Variants in TMPRSS13 observed in about 807,000 individuals in gnomAD.
The protein encoded by TMPRSS13 is transmembrane protease serine 13.
Under a neutral mutation model 68.4 loss-of-function variants are expected in TMPRSS13, and 50 were observed. That is an observed-to-expected ratio of 0.73 (90% CI 0.58 to 0.93). The LOEUF (loss-of-function observed/expected upper bound fraction) is 0.93, where lower values mean the gene tolerates loss of function less well. Ranked by LOEUF, TMPRSS13 falls within the 40% of genes least tolerant of loss-of-function variation. TMPRSS13 has a pLI of 0.00. For synonymous variants in TMPRSS13, 267 were observed against 285.8 expected, an observed-to-expected ratio of 0.93 and a Z score of 0.66; for missense variants, 615 against 729.2, an observed-to-expected ratio of 0.84 and a Z score of 1.80.
At chr11:117,920,549 G>T (rs772649036) in intron 1 of TMPRSS13, among the ~76,000 whole-genome samples, 2 of 152,132 alleles carry the variant, frequency 1.3e-5, no homozygotes, top group Non-Finnish European at 2.9e-5. Flanking sequence ...CTGGAGTGCA[G>T]TGCCGCGATC....
intron 5 of TMPRSS13, 74 bp downstream of exon 5, chr11:117,913,703 A>G: frequency 6.4e-7 from 1 of 1,557,030 alleles, no homozygotes; most frequent in South Asian, 1.2e-5. Context: ...TGTTTCTGCA[A>G]CATGCTTGAG....
chr11:117,922,802 G>T lies in TMPRSS13; in HGVS notation c.22-3964C>A, dbSNP rs1415147487. On this transcript the variant is annotated intron_variant, in intron 1 of 12. Transcript: ENST00000524993. The surrounding 1 kb of genome is among the most constrained non-coding windows in gnomAD (Gnocchi z 4.2). ...TTGCCAACCATTCTTTCCTGACCAT[G>T]CCTCTCCTCCCCACCTACCCGTGGG... 6.6e-6 allele frequency among the ~76,000 whole-genome samples: 1 copy of T among 152,184 alleles called. No individual in the cohort carries two copies. Among genetic ancestry groups the T allele is most frequent in the Non-Finnish European group, 1.5e-5 (1 of 68,024 alleles).
In TMPRSS13 at chr11:117,911,864, CA is replaced by C; in HGVS notation, c.810-5del. 6.2e-7 allele frequency: 1 copy of C among 1,613,342 alleles called. No individual in the cohort carries two copies. Among genetic ancestry groups the C allele is most frequent in the East Asian group, 2.2e-5 (1 of 44,874 alleles). ...AACCTCGGTTGTCCGGTGAGCACTA[CA>C]AGGGAGCAGAGGGGAGAAGAATGAG... On this transcript the variant is annotated splice_polypyrimidine_tract_variant and splice_region_variant and intron_variant, in intron 5 of 12. Coordinates refer to ENST00000524993, the MANE Select transcript of TMPRSS13 (RefSeq NM_001077263.3).
chr11:117,913,497 T>A (rs2057543118), intron 5 of TMPRSS13, among the ~76,000 whole-genome samples: 1 of 152,216 alleles, frequency 6.6e-6, no homozygotes, highest in Admixed American at 6.5e-5. Context: ...AATGTGATAA[T>A]GGATGTGAGC....
chr11:117,902,072 G>GCGCA lies in TMPRSS13; in HGVS notation c.*166_*167insTGCG, dbSNP rs1186451834. ...TGGGAGAGTGGCAATGCACACATAT[G>GCGCA]CACACACACACACACACACACACAC... On this transcript the variant is annotated 3_prime_UTR_variant, in exon 13 of 13. Transcript: ENST00000524993. 114 of 647,302 alleles carry GCGCA rather than the reference G, an allele frequency of 1.8e-4. No individual in the cohort carries two copies. The African/African-American group carries it at 1.9e-3, about 11-fold the overall frequency. 40.1% of individuals were successfully genotyped at this position (647,302 alleles called of 1,614,324 possible). A position where few individuals can be genotyped will look rare whatever the true frequency, so the allele number is the denominator to read the frequency against.
intron 1 of TMPRSS13, among the ~76,000 whole-genome samples, chr11:117,925,248 A>G (rs189874966): frequency 6.6e-6 from 1 of 152,304 alleles, no homozygotes; most frequent in East Asian, 1.9e-4. Context: ...CATTTGAACA[A>G]AAGAGGCAGC....
At chr11:117,908,110 T>C in intron 9 of TMPRSS13, 4 of 1,051,508 alleles carry the variant, frequency 3.8e-6, no homozygotes, top group Non-Finnish European at 3.5e-6. Flanking sequence ...GAGCACTGCT[T>C]GGGAATCAGA....
intron 4 of TMPRSS13, 53 bp from the exon 5 acceptor site, chr11:117,913,959 G>A (rs1251395038): frequency 6.3e-6 from 10 of 1,593,282 alleles, no homozygotes; most frequent in Non-Finnish European, 8.6e-6. Flanking sequence ...GAAGCATCAA[G>A]CTCTTGGGGG....
Position 117,914,210 on chromosome 11 carries a change from C to G in TMPRSS13, c.679+182G>C, listed in dbSNP as rs1264559341. Among the ~76,000 whole-genome samples the G allele has an allele frequency of 3.3e-5, 5 of 152,114 alleles. No individual in the cohort carries two copies. Among genetic ancestry groups the G allele is most frequent in the Non-Finnish European group, 7.4e-5 (5 of 67,990 alleles). On this transcript the variant is annotated intron_variant, in intron 4 of 12. Transcript: ENST00000524993. This position sits in a 1 kb window ranked among gnomAD's most constrained non-coding sequence, Gnocchi z 4.2. ...TCATTGGGTCTGGATTACATACATG[C>G]ACACATGCACACACACATACGTGCA...
At chr11:117,907,999 C>T in intron 9 of TMPRSS13, 1 of 990,592 alleles carries the variant, frequency 1.0e-6, no homozygotes, top group Non-Finnish European at 1.2e-6. Context: ...CTCCTTTGGT[C>T]CTTAGCAACA....
At chr11:117,912,930 C>T (rs1290229479) in intron 5 of TMPRSS13, among the ~76,000 whole-genome samples, 1 of 152,228 alleles carries the variant, frequency 6.6e-6, no homozygotes, top group Non-Finnish European at 1.5e-5. Flanking sequence ...CATAAGGCCA[C>T]ACAACTCATA....
chr11:117,912,141 C>T (rs929555291), intron 5 of TMPRSS13, among the ~76,000 whole-genome samples: 2 of 152,200 alleles, frequency 1.3e-5, no homozygotes, highest in Admixed American at 6.5e-5. Flanking sequence ...TTAGCATTGC[C>T]TGGGAAGTTA....
In TMPRSS13 at chr11:117,912,133, A is replaced by G. The variant is rs183726703; in HGVS notation, c.810-273T>C. Reference sequence around the variant, plus strand: ...TCTCATGGTGGAGACTGGTAGCATTAGCATTGCCTGGGAAGTTATTAATAT... The same window carrying G: ...TCTCATGGTGGAGACTGGTAGCATTGGCATTGCCTGGGAAGTTATTAATAT... On this transcript the variant is annotated intron_variant, in intron 5 of 12. Transcript: ENST00000524993. Among the ~76,000 whole-genome samples the G allele has an allele frequency of 8.5e-5, 13 of 152,326 alleles. No individual in the cohort carries two copies. In the East Asian group the frequency reaches 2.5e-3, roughly 29 times the overall value.
At chr11:117,924,272 C>T (rs893103225) in intron 1 of TMPRSS13, among the ~76,000 whole-genome samples, 2 of 150,926 alleles carry the variant, frequency 1.3e-5, no homozygotes, top group Non-Finnish European at 3.0e-5. Context: ...GACTTGCTCA[C>T]GGACACACAG....
chr11:117,922,512 G>A lies in TMPRSS13; in HGVS notation c.22-3674C>T, dbSNP rs1446893164. Among the ~76,000 whole-genome samples the A allele has an allele frequency of 6.6e-6, 1 of 152,110 alleles. No individual in the cohort carries two copies. The highest frequency in any genetic ancestry group is 1.5e-5 in the Non-Finnish European group (1 of 68,006). On this transcript the variant is annotated intron_variant, in intron 1 of 12. Coordinates refer to ENST00000524993, the MANE Select transcript of TMPRSS13 (RefSeq NM_001077263.3). This position sits in a 1 kb window ranked among gnomAD's most constrained non-coding sequence, Gnocchi z 4.2. ...CAAAGTGCTGGGATTACAGGCGTGA[G>A]CCACCGCGCCCAGCCGAGACTTCTT...
intron 1 of TMPRSS13, among the ~76,000 whole-genome samples, chr11:117,919,907 T>C (rs1356035961): frequency 6.6e-6 from 1 of 152,224 alleles, no homozygotes; most frequent in Non-Finnish European, 1.5e-5. Context: ...AGAGTGCTCA[T>C]TTTGCCTTTG....
At chr11:117,925,867 C>T (rs1005607516) in intron 1 of TMPRSS13, among the ~76,000 whole-genome samples, 7 of 152,270 alleles carry the variant, frequency 4.6e-5, no homozygotes, top group African/African-American at 9.6e-5. Flanking sequence ...CACACACTCC[C>T]GCACGCTTAC....
rs1207413235 is a variant in TMPRSS13, at chr11:117,903,301, G to C, written c.1677+354C>G. On this transcript the variant is annotated intron_variant, in intron 12 of 12. Coordinates refer to ENST00000524993, the MANE Select transcript of TMPRSS13 (RefSeq NM_001077263.3). ...AGCGGATTCCCATGCATAAATGCTT[G>C]ATAACAAAAACTATCACAAAATCCT... 4 of 1,347,964 alleles carry C rather than the reference G, an allele frequency of 3.0e-6. No individual in the cohort carries two copies. In the Admixed American group the frequency reaches 8.8e-5, roughly 30 times the overall value. 83.5% of individuals were successfully genotyped at this position (1,347,964 alleles called of 1,614,324 possible).
chr11:117,903,354 C>CCAT (rs1344608905), intron 12 of TMPRSS13: 1 of 1,509,000 alleles, frequency 6.6e-7, no homozygotes, highest in Non-Finnish European at 8.9e-7. Flanking sequence ...TTTTCAAAGT[C>CCAT]CATTGCAACC....
Sources: gnomAD v4.1 joint callset for allele counts (sites outside exome capture counted in the v4.1 genomes callset) on GRCh38, gnomAD v4.1.1 for gene constraint, Gnocchi (gnomAD v3.1) non-coding constraint, MANE v1.5 for transcripts, NCBI Gene and HGNC (gene_info 2026-07-23, HGNC 2026-07-21) for gene names.